The following CEP192 variants were observed in gnomAD, a reference collection of about 807,000 sequenced individuals.
The protein encoded by CEP192 is centrosomal protein 192, also known as centrosomal protein of 192 kDa.
In CEP192, 151 loss-of-function variants were observed where a neutral mutation model predicts 271.8. The observed-to-expected ratio is 0.56, with a 90% CI of 0.49 to 0.64. The LOEUF (loss-of-function observed/expected upper bound fraction) is 0.64. Among genes scored for constraint, CEP192 ranks in the 30% least tolerant of loss-of-function variants. The probability of loss-of-function intolerance (pLI) is 0.00; values close to 1 mark genes in which losing one functional copy is unlikely to be tolerated. For missense variants in CEP192, 2,910 were observed against 3,020.5 expected (o/e 0.96, Z 0.86); for synonymous variants, 995 against 1,076.5 (o/e 0.92, Z 1.48).
rs752095796 is a variant in CEP192, at chr18:13,049,658, G to A, written c.2867G>A (p.Arg956His). 4.0e-5 allele frequency: 64 copies of A among 1,610,658 alleles called. No homozygotes were observed. Among genetic ancestry groups the A allele is most frequent in the South Asian group, 1.2e-4 (11 of 90,498 alleles). The change falls in exon 16 of 45, where the codon CGC (arginine) becomes CAC (histidine). Residue 956 changes from arginine (R) to histidine (H), a missense_variant. By Grantham distance (29) the Arg-to-His change is conservative. Transcript: ENST00000506447. ...SEKHVTFENH[R>H]IVSPKNSDLK... ...AAGCATGTGACTTTTGAAAACCATCGCATAGTCTCACCTAAAAATAGTGGT... is the reference window on the plus strand; with the variant it reads ...AAGCATGTGACTTTTGAAAACCATCACATAGTCTCACCTAAAAATAGTGGT...
chr18:13,000,712 T>C (rs1030431345), intron 2 of CEP192, among the ~76,000 whole-genome samples: 3 of 152,242 alleles, frequency 2.0e-5, no homozygotes, highest in Non-Finnish European at 4.4e-5. Flanking sequence ...CCCAGCACTT[T>C]GGGAGGCCAA....
intron 36 of CEP192, among the ~76,000 whole-genome samples, chr18:13,099,009 C>T (rs1598599603): frequency 6.6e-6 from 1 of 152,260 alleles, no homozygotes; most frequent in East Asian, 1.9e-4. Context: ...GAAACCCCGT[C>T]TCCACCAAAA....
At chr18:13,092,088 A>G (rs1057110728) in intron 33 of CEP192, among the ~76,000 whole-genome samples, 3 of 152,208 alleles carry the variant, frequency 2.0e-5, no homozygotes, top group African/African-American at 4.8e-5. Flanking sequence ...TCGTTACTCT[A>G]TATTATAGTT....
chr18:13,013,358 T>C (rs1463561506), intron 5 of CEP192, among the ~76,000 whole-genome samples: 5 of 152,232 alleles, frequency 3.3e-5, no homozygotes, highest in Non-Finnish European at 7.3e-5. Flanking sequence ...TGTTTCATTG[T>C]ATCCTGAGTG....
intron 37 of CEP192, among the ~76,000 whole-genome samples, chr18:13,099,914 T>C (rs954385646): frequency 6.6e-6 from 1 of 152,224 alleles, no homozygotes; most frequent in African/African-American, 2.4e-5. Flanking sequence ...GACTTGAGCA[T>C]TGAGGATTTT....
chr18:13,049,338 T>G lies in CEP192; in HGVS notation c.2547T>G (p.Asn849Lys), dbSNP rs761141506. 4 of 1,614,006 alleles carry G rather than the reference T, an allele frequency of 2.5e-6. No homozygotes were observed. The South Asian group carries it at 3.3e-5, about 13-fold the overall frequency. ...CAGCAGCTATTGTTTATGTTGAAAA[T>G]GGAGAGAGTGAGAATCAAGAGTCAT... ...ENTAAIVYVE[N>K]GESENQESFR... Residue 849 changes from asparagine (N) to lysine (K), a missense_variant, in exon 16 of 45, where the codon AAT becomes AAG. Transcript: ENST00000506447.
At chr18:13,054,992 C>A (rs2037005715) in intron 18 of CEP192, among the ~76,000 whole-genome samples, 1 of 152,042 alleles carries the variant, frequency 6.6e-6, no homozygotes, top group Non-Finnish European at 1.5e-5. Flanking sequence ...AAGTTAACAT[C>A]TTTGGCCGGG....
chr18:13,099,234 A>G (rs924913990), intron 36 of CEP192, among the ~76,000 whole-genome samples: 12 of 151,762 alleles, frequency 7.9e-5, no homozygotes, highest in Non-Finnish European at 1.3e-4. Flanking sequence ...TTGTTTTCGC[A>G]TGAGTTTTGC....
intron 36 of CEP192, 34 bp from the exon 37 acceptor site, chr18:13,099,442 C>G (rs774760259): frequency 1.9e-6 from 2 of 1,065,452 alleles, no homozygotes; most frequent in South Asian, 2.8e-5. Context: ...AAAATGCAGG[C>G]TCTTTTTAAT....
intron 9 of CEP192, among the ~76,000 whole-genome samples, chr18:13,028,814 C>T (rs1384195863): frequency 6.6e-6 from 1 of 152,204 alleles, no homozygotes; most frequent in African/African-American, 2.4e-5. Context: ...GCTACTGCGC[C>T]TGGCCTTGAT....
chr18:13,042,442 T>C, intron 15 of CEP192, 108 bp downstream of exon 15: 1 of 1,162,734 alleles, frequency 8.6e-7, no homozygotes, highest in Admixed American at 2.4e-5. Context: ...ACATCTTTTC[T>C]TTCCTGGCTT....
chr18:13,071,291 AT>A (rs1568372717), intron 28 of CEP192, 79 bp downstream of exon 28: 1 of 1,305,306 alleles, frequency 7.7e-7, no homozygotes, highest in Non-Finnish European at 1.1e-6. Context: ...TTGCAGGAAA[AT>A]TTTGTCATAA....
chr18:13,019,253 G>A, intron 9 of CEP192, 47 bp downstream of exon 9: 1 of 1,426,042 alleles, frequency 7.0e-7, no homozygotes, highest in Non-Finnish European at 9.2e-7. Context: ...AAGGAATAAG[G>A]GGTCTTTTGT....
intron 11 of CEP192, among the ~76,000 whole-genome samples, chr18:13,034,608 C>G (rs2035813623): frequency 6.6e-6 from 1 of 151,342 alleles, no homozygotes; most frequent in South Asian, 2.1e-4. Flanking sequence ...GAGATCGAGA[C>G]CATCCTGGCT....
chr18:13,103,776 A>G, intron 39 of CEP192, 188 bp downstream of exon 39: 1 of 638,814 alleles, frequency 1.6e-6, no homozygotes, highest in Non-Finnish European at 2.9e-6. Context: ...CTGCAGCCTC[A>G]ACCTCCCAGG....
chr18:13,096,435 C>T (rs937193820), intron 36 of CEP192, 128 bp downstream of exon 36: 2 of 1,252,278 alleles, frequency 1.6e-6, no homozygotes, highest in Non-Finnish European at 2.2e-6. Context: ...CTGCACAAAG[C>T]ATGTGCATGG....
intron 11 of CEP192, 62 bp from the exon 12 acceptor site, chr18:13,037,175 C>T: frequency 2.8e-6 from 2 of 717,906 alleles, no homozygotes; most frequent in Non-Finnish European, 4.9e-6. Context: ...TAACTTGTAT[C>T]TGTGTGCTAG....
chr18:13,116,555 T>G (rs989245425), intron 43 of CEP192, 52 bp downstream of exon 43: 32 of 1,474,514 alleles, frequency 2.2e-5, no homozygotes, highest in Non-Finnish European at 2.9e-5. Flanking sequence ...CATTCAACTC[T>G]GATAACAAAC....
chr18:13,089,039 A>C lies in CEP192; in HGVS notation c.5994-417A>C, dbSNP rs147735216. The C allele has an allele frequency of 9.0e-3, 2,455 of 271,330 alleles. 63 individuals are homozygous for C. The highest frequency in any genetic ancestry group is 0.047 in the African/African-American group (2,096 of 44,696). The allele number at this position is 271,330 out of a possible 1,614,324, so 16.8% of individuals were successfully genotyped here. On this transcript the variant is annotated intron_variant, in intron 32 of 44. Coordinates refer to ENST00000506447, the MANE Select transcript of CEP192 (RefSeq NM_032142.4). The stretch of plus-strand genomic sequence containing the variant: ...AGTATTATAGAGAAATCTACATTTC[A>C]GTTTTCTCACCTCAGATTCTCTGGA...
Sources: gnomAD v4.1 joint callset for allele counts (sites outside exome capture counted in the v4.1 genomes callset) on GRCh38, gnomAD v4.1.1 for gene constraint, MANE v1.5 for transcripts, NCBI Gene and HGNC (gene_info 2026-07-23, HGNC 2026-07-21) for gene names.